ELAC1: variants seen among roughly 807,000 people sequenced by gnomAD.
ELAC1 encodes the protein zinc phosphodiesterase ELAC protein 1.
In ELAC1, 19 loss-of-function variants were observed where a neutral mutation model predicts 25.8. The observed-to-expected ratio is 0.74, with a 90% confidence interval of 0.51 to 1.08. The LOEUF is 1.08. Among genes scored for constraint, ELAC1 ranks in the 50% least tolerant of loss-of-function variants. The pLI, the probability that ELAC1 is intolerant of heterozygous loss-of-function variation, is 0.00. For synonymous variants in ELAC1, 148 were observed against 160.9 expected (o/e 0.92, Z 0.61); for missense variants, 403 against 434.6 (o/e 0.93, Z 0.65).
chr18:50,974,180 G>T (rs1316970173), intron 1 of ELAC1, among the ~76,000 whole-genome samples: 1 of 152,090 alleles, frequency 6.6e-6, no homozygotes, highest in Non-Finnish European at 1.5e-5. Flanking sequence ...GGTTATTTTT[G>T]TTTGTTTGGG....
intron 2 of ELAC1, among the ~76,000 whole-genome samples, chr18:50,983,155 GTTTTTTTTTTT>G (rs552455433): frequency 3.3e-5 from 2 of 60,862 alleles, no homozygotes; most frequent in Non-Finnish European, 6.3e-5. Flanking sequence ...TTTACTTGGT[GTTTTTTTTTTT>G]TTTTTTTTTT....
rs757941118 is a variant in ELAC1, at chr18:50,984,242, T to G, written c.304T>G (p.Phe102Val). Residue 102 changes from phenylalanine to valine, a missense_variant, in exon 3 of 4, where the codon TTT becomes GTT. Coordinates refer to ENST00000269466, the MANE Select transcript of ELAC1 (RefSeq NM_018696.3). ...CTATGGCCCTGTAGGGCTTCGGGAC[T>G]TTATCTGGCGAACCATGGAACTCTC... ...EIYGPVGLRD[F>V]IWRTMELSHT... 3 of 1,614,068 alleles carry G rather than the reference T, an allele frequency of 1.9e-6. No homozygotes were observed. The African/African-American group carries it at 4.0e-5, about 22-fold the overall frequency.
At chr18:50,972,253 C>T (rs1489793853) in intron 1 of ELAC1, among the ~76,000 whole-genome samples, 1 of 151,958 alleles carries the variant, frequency 6.6e-6, no homozygotes, top group Non-Finnish European at 1.5e-5. Flanking sequence ...ATTTAAATTT[C>T]TTAACTACGT....
intron 2 of ELAC1, among the ~76,000 whole-genome samples, chr18:50,983,086 T>C (rs762474335): frequency 1.3e-5 from 2 of 151,780 alleles, no homozygotes; most frequent in Non-Finnish European, 2.9e-5. Flanking sequence ...TAGATGCTTT[T>C]AATACTTGAG....
chr18:50,980,235 A>G (rs1907908211), intron 2 of ELAC1, among the ~76,000 whole-genome samples: 1 of 152,004 alleles, frequency 6.6e-6, no homozygotes, highest in Admixed American at 6.6e-5. Flanking sequence ...CTTTGAGCCC[A>G]GGAGGTCAAA....
chr18:50,974,276 G>C, intron 1 of ELAC1, 121 bp from the exon 2 acceptor site: 1 of 816,978 alleles, frequency 1.2e-6, no homozygotes, highest in Admixed American at 3.6e-5. Context: ...GGAATACTAT[G>C]AGAGACCAAG....
chr18:50,978,178 C>G, intron 2 of ELAC1, among the ~76,000 whole-genome samples: 1 of 152,160 alleles, frequency 6.6e-6, no homozygotes, highest in Non-Finnish European at 1.5e-5. Flanking sequence ...CCTTTTGAGC[C>G]CTCCAAACTG....
chr18:50,986,553 A>T, intron 3 of ELAC1, 66 bp from the exon 4 acceptor site: 2 of 1,283,002 alleles, frequency 1.6e-6, no homozygotes, highest in Non-Finnish European at 2.2e-6. Context: ...AATGCTGTTA[A>T]AATAGACTCT....
chr18:50,984,270 A>ACACGGAGCT lies in ELAC1; in HGVS notation c.333_341dup (p.Thr112_Leu114dup), dbSNP rs1184827073. ...ATCTGGCGAACCATGGAACTCTCTC[A>ACACGGAGCT]CACGGAGCTGGTCTTCCATTATGTG... On this transcript the variant is annotated inframe_insertion, in exon 3 of 4. Coordinates refer to ENST00000269466, the MANE Select transcript of ELAC1 (RefSeq NM_018696.3). 4 of 1,614,062 alleles carry ACACGGAGCT rather than the reference A, an allele frequency of 2.5e-6. No individual in the cohort carries two copies. The African/African-American group carries it at 5.3e-5, about 22-fold the overall frequency.
chr18:50,986,921 G>T lies in ELAC1; in HGVS notation c.928G>T (p.Val310Phe). The change falls in exon 4 of 4, where the codon GTT becomes TTT. Residue 310 changes from valine (V) to phenylalanine (F), a missense_variant. Val to Phe is a conservative substitution (Grantham distance 50). Transcript: ENST00000269466. ...FAKLCRAKRL[V>F]LTHFSQRYKP... is the part of the protein sequence containing the mutation. ...AAAGTTGTGCCGTGCAAAGAGGCTG[G>T]TTCTGACTCACTTCAGTCAGAGGTA... 6.2e-7 allele frequency: 1 copy of T among 1,613,936 alleles called. No individual in the cohort carries two copies. Among genetic ancestry groups the T allele is most frequent in the Non-Finnish European group, 8.5e-7 (1 of 1,179,894 alleles).
intron 1 of ELAC1, among the ~76,000 whole-genome samples, chr18:50,972,181 C>T (rs575213169): frequency 1.6e-4 from 24 of 151,730 alleles, no homozygotes; most frequent in African/African-American, 4.8e-4. Flanking sequence ...GGCTTCCCAT[C>T]TCCACAGTTA....
chr18:50,987,043 A>G lies in ELAC1; in HGVS notation c.1050A>G (p.Leu350=). ...ESVLDLQEVT[L]AEDFMVISIP... ...TGTTAGATCTCCAAGAAGTGACTCT[A>G]GCAGAAGATTTTATGGTGATAAGCA... The change falls in exon 4 of 4, where the codon CTA becomes CTG. Residue 350 remains leucine, a synonymous_variant. Transcript: ENST00000269466. The G allele has an allele frequency of 6.3e-7, 1 of 1,584,570 alleles. No individual in the cohort carries two copies. Among genetic ancestry groups the G allele is most frequent in the Non-Finnish European group, 8.6e-7 (1 of 1,166,702 alleles).
Position 50,984,212 on chromosome 18 carries a change from G to A in ELAC1, c.274G>A (p.Glu92Lys). The change falls in exon 3 of 4, where the codon GAA becomes AAA. Residue 92 changes from glutamate to lysine, a missense_variant. Transcript: ENST00000269466. ...CTCCATGGTGTCCAAACAGCCTATT[G>A]AAATCTATGGCCCTGTAGGGCTTCG... Reference protein sequence around the residue: ...SGSMVSKQPIEIYGPVGLRDF... With the variant: ...SGSMVSKQPIKIYGPVGLRDF... The A allele has an allele frequency of 6.2e-7, 1 of 1,614,180 alleles. No homozygotes were observed. Among genetic ancestry groups the A allele is most frequent in the Non-Finnish European group, 8.5e-7 (1 of 1,180,032 alleles).
At chr18:50,978,878 G>A (rs775472331) in intron 2 of ELAC1, among the ~76,000 whole-genome samples, 5 of 152,146 alleles carry the variant, frequency 3.3e-5, no homozygotes, top group Non-Finnish European at 5.9e-5. Flanking sequence ...TATTGTTTGG[G>A]ACATATGGTA....
chr18:50,986,216 G>A (rs1908106103), intron 3 of ELAC1, among the ~76,000 whole-genome samples: 1 of 151,948 alleles, frequency 6.6e-6, no homozygotes, highest in Non-Finnish European at 1.5e-5. Context: ...TTACAGGCAT[G>A]AGCCAGTGCA....
At chr18:50,977,393 G>A (rs898107660) in intron 2 of ELAC1, among the ~76,000 whole-genome samples, 3 of 152,164 alleles carry the variant, frequency 2.0e-5, no homozygotes, top group African/African-American at 7.2e-5. Flanking sequence ...TGACTTCTGT[G>A]CACCCGCAGG....
chr18:50,982,010 C>T (rs1223844669), intron 2 of ELAC1, among the ~76,000 whole-genome samples: 1 of 152,064 alleles, frequency 6.6e-6, no homozygotes, highest in Non-Finnish European at 1.5e-5. Flanking sequence ...TCACACCCAG[C>T]TAATTTTGTA....
intron 2 of ELAC1, among the ~76,000 whole-genome samples, chr18:50,982,935 G>A (rs533784218): frequency 3.4e-4 from 51 of 151,762 alleles, no homozygotes; most frequent in Non-Finnish European, 7.2e-4. Context: ...TTGGTTAATC[G>A]CTGTCCAGTA....
At chr18:50,977,132 T>C (rs924837152) in intron 2 of ELAC1, among the ~76,000 whole-genome samples, 4 of 152,212 alleles carry the variant, frequency 2.6e-5, no homozygotes, top group African/African-American at 9.6e-5. Flanking sequence ...AGCTTTTCCA[T>C]GCACACAGTG....
Sources: gnomAD v4.1 joint callset for allele counts (sites outside exome capture counted in the v4.1 genomes callset) on GRCh38, gnomAD v4.1.1 for gene constraint, MANE v1.5 for transcripts, NCBI Gene and HGNC (gene_info 2026-07-23, HGNC 2026-07-21) for gene names.